The following RNF220 variants were observed in gnomAD, a reference collection of about 807,000 sequenced individuals.
RNF220 encodes the protein E3 ubiquitin-protein ligase RNF220.
Under a neutral mutation model 67.1 loss-of-function variants are expected in RNF220, and 7 were observed. That is an observed-to-expected ratio of 0.10 (90% confidence interval 0.06 to 0.20). The LOEUF is 0.20. Among genes scored for constraint, RNF220 ranks in the 10% least tolerant of loss-of-function variants. RNF220 has a pLI of 1.00. For synonymous variants in RNF220, 270 were observed against 283.2 expected (o/e 0.95, Z 0.47); for missense variants, 565 against 740.3 (o/e 0.76, Z 2.75).
At chr1:44,540,167 T>G (rs1027929790) in intron 2 of RNF220, among the ~76,000 whole-genome samples, 1 of 152,174 alleles carries the variant, frequency 6.6e-6, no homozygotes, top group African/African-American at 2.4e-5. Flanking sequence ...CTCCCCAGGA[T>G]ACCTCTGAGC....
intron 2 of RNF220, among the ~76,000 whole-genome samples, chr1:44,533,093 C>G (rs553996495): frequency 2.3e-3 from 348 of 152,342 alleles, no homozygotes; most frequent in Non-Finnish European, 4.1e-3. Flanking sequence ...GGTTTGCCCC[C>G]TCTCTTTGGT....
Position 44,649,976 on chromosome 1 carries a change from CG to C in RNF220, c.1629+23del. ...GACCCTGGTGAGGTGGCATGGGGGTCGGGGAATGGGAGGCCGCTCCGGGCAC... is the reference window on the plus strand; with the variant it reads ...GACCCTGGTGAGGTGGCATGGGGGTCGGGAATGGGAGGCCGCTCCGGGCAC... On this transcript the variant is annotated intron_variant, in intron 14 of 14. Coordinates refer to ENST00000361799, the MANE Select transcript of RNF220 (RefSeq NM_018150.4). The surrounding 1 kb of genome is among the most constrained non-coding windows in gnomAD (Gnocchi z 5.9). 6.2e-7 allele frequency: 1 copy of C among 1,611,822 alleles called. No homozygotes were observed. The highest frequency in any genetic ancestry group is 1.7e-4 in the Middle Eastern group (1 of 6,058).
At position 44,621,211 on chromosome 1, in the gene RNF220, G is replaced by A. The variant is rs986358348; in HGVS notation, c.759-1531G>A. Reference sequence around the variant, plus strand: ...GATTATAGGCGTGAGCCACTGCACCGGACCATGCATCTGTCTTTATGGACA... The same window carrying A: ...GATTATAGGCGTGAGCCACTGCACCAGACCATGCATCTGTCTTTATGGACA... On this transcript the variant is annotated intron_variant, in intron 3 of 14. Coordinates refer to ENST00000361799, the MANE Select transcript of RNF220 (RefSeq NM_018150.4). This position sits in a 1 kb window ranked among gnomAD's most constrained non-coding sequence, Gnocchi z 4.8. Among the ~76,000 whole-genome samples, 8 of 152,146 alleles carry A rather than the reference G, an allele frequency of 5.3e-5. No homozygotes were observed. The highest frequency in any genetic ancestry group is 1.9e-4 in the East Asian group (1 of 5,188).
intron 2 of RNF220, among the ~76,000 whole-genome samples, chr1:44,609,067 C>T (rs2148416703): frequency 6.6e-6 from 1 of 152,330 alleles, no homozygotes; most frequent in South Asian, 2.1e-4. Context: ...CAAGGTCACA[C>T]AGCTAGCAAG....
intron 2 of RNF220, among the ~76,000 whole-genome samples, chr1:44,473,740 A>G (rs1655024254): frequency 6.6e-6 from 1 of 152,240 alleles, no homozygotes; most frequent in South Asian, 2.1e-4. Flanking sequence ...GAGAATAATA[A>G]TATCGTAGCT....
intron 2 of RNF220, among the ~76,000 whole-genome samples, chr1:44,557,260 C>T (rs1663185100): frequency 6.7e-6 from 1 of 149,980 alleles, no homozygotes; most frequent in Admixed American, 6.7e-5. Flanking sequence ...GTGACTCACA[C>T]CTGTAATCCC....
intron 3 of RNF220, among the ~76,000 whole-genome samples, chr1:44,614,758 C>T (rs990100084): frequency 1.3e-5 from 2 of 152,162 alleles, no homozygotes; most frequent in African/African-American, 4.8e-5. Context: ...GTGTCCCCCA[C>T]TGTCCCACCC....
At chr1:44,626,258 C>A in intron 4 of RNF220, 39 bp from the exon 5 acceptor site, 1 of 1,515,024 alleles carries the variant, frequency 6.6e-7, no homozygotes, top group South Asian at 1.1e-5. Context: ...CTGTAGGTCT[C>A]ATTTGGCCTG....
chr1:44,525,631 G>T (rs1319332577), intron 2 of RNF220, among the ~76,000 whole-genome samples: 2 of 152,108 alleles, frequency 1.3e-5, no homozygotes, highest in African/African-American at 2.4e-5. Context: ...CTACTTACTT[G>T]TCACTGTCAT....
At chr1:44,425,685 G>A (rs1196295114) in intron 2 of RNF220, among the ~76,000 whole-genome samples, 1 of 152,228 alleles carries the variant, frequency 6.6e-6, no homozygotes, top group African/African-American at 2.4e-5. Flanking sequence ...TATAAAATGG[G>A]AGATGGTAGA....
rs554844516 is a variant in RNF220, at chr1:44,490,865, G to C, written c.625+78143G>C. Among the ~76,000 whole-genome samples, 530 of 150,558 alleles carry C rather than the reference G, an allele frequency of 3.5e-3. 1 individual carries two copies. Among genetic ancestry groups the C allele is most frequent in the African/African-American group, 0.012 (493 of 40,970 alleles). On this transcript the variant is annotated intron_variant, in intron 2 of 14. Transcript: ENST00000361799. ...CTAGAATGAATAAGAACAAGAGAGA[G>C]GACTCAAATTACTAAATCAGGAATG... is the stretch of plus-strand genomic sequence containing the variant.
chr1:44,442,505 A>G (rs1170185546), intron 2 of RNF220, among the ~76,000 whole-genome samples: 1 of 123,396 alleles, frequency 8.1e-6, no homozygotes, highest in Non-Finnish European at 1.6e-5. Flanking sequence ...CTGCCGCACC[A>G]CTCACACTCT....
intron 2 of RNF220, among the ~76,000 whole-genome samples, chr1:44,550,269 A>T (rs1309213883): frequency 2.6e-5 from 4 of 152,178 alleles, no homozygotes; most frequent in Admixed American, 6.5e-5. Context: ...AGCCCAGATG[A>T]CCCAGACTTG....
chr1:44,644,595 G>A, intron 8 of RNF220, 103 bp from the exon 9 acceptor site: 1 of 816,440 alleles, frequency 1.2e-6, no homozygotes, highest in South Asian at 1.5e-5. Context: ...TTTCCCTCTG[G>A]GCCTTATCAG....
chr1:44,456,050 A>G (rs994899544), intron 2 of RNF220, among the ~76,000 whole-genome samples: 13 of 152,198 alleles, frequency 8.5e-5, no homozygotes, highest in African/African-American at 3.1e-4. Flanking sequence ...CTAGAGTGTC[A>G]TATTCTTAGA....
At chr1:44,575,040 A>G (rs767729878) in intron 2 of RNF220, among the ~76,000 whole-genome samples, 7 of 152,158 alleles carry the variant, frequency 4.6e-5, no homozygotes, top group Admixed American at 1.3e-4. Context: ...TCTTCTAACT[A>G]TTTTGAAATA....
chr1:44,418,098 G>C (rs2147824218), intron 2 of RNF220, among the ~76,000 whole-genome samples: 1 of 152,194 alleles, frequency 6.6e-6, no homozygotes, highest in African/African-American at 2.4e-5. Flanking sequence ...GAGCAGAAGA[G>C]AGTGGGAACC....
At chr1:44,520,085 T>TTTTGTGTGTG (rs1275270439) in intron 2 of RNF220, among the ~76,000 whole-genome samples, 60 of 106,460 alleles carry the variant, frequency 5.6e-4, no homozygotes, top group African/African-American at 2.0e-3. Flanking sequence ...AAGTCCAGCA[T>TTTTGTGTGTG]TGTGTGTGTG....
intron 2 of RNF220, among the ~76,000 whole-genome samples, chr1:44,540,696 T>A (rs1001041407): frequency 1.3e-5 from 2 of 152,146 alleles, no homozygotes; most frequent in Non-Finnish European, 2.9e-5. Context: ...TTTTTTTCTT[T>A]ATTGTCCTGG....
Sources: allele counts gnomAD v4.1 joint callset (sites outside exome capture counted in the v4.1 genomes callset), GRCh38; gene constraint gnomAD v4.1.1; non-coding constraint Gnocchi (gnomAD v3.1); transcripts MANE v1.5; gene names NCBI Gene and HGNC (gene_info 2026-07-23, HGNC 2026-07-21).